THADA: variants seen among roughly 807,000 people sequenced by gnomAD.
THADA encodes tRNA (32-2'-O)-methyltransferase regulator THADA.
Under a neutral mutation model 219.8 loss-of-function variants are expected in THADA, and 213 were observed. The observed-to-expected ratio is 0.97, with a 90% CI of 0.87 to 1.09. THADA has a LOEUF of 1.09. Ranked by LOEUF, THADA falls within the 50% of genes least tolerant of loss-of-function variation. THADA has a pLI of 0.00. For synonymous variants in THADA, 1,018 were observed against 828.9 expected (o/e 1.23, Z -3.92); for missense variants, 2,956 against 2,311.3 (o/e 1.28, Z -5.72).
At chr2:43,407,315 AACC>A (rs1178899141) in intron 28 of THADA, among the ~76,000 whole-genome samples, 2 of 152,226 alleles carry the variant, frequency 1.3e-5, no homozygotes, top group East Asian at 3.8e-4. Flanking sequence ...TATTATATAT[AACC>A]CTACTATATA....
chr2:43,289,427 A>T (rs1375562338), intron 34 of THADA, among the ~76,000 whole-genome samples: 1 of 152,168 alleles, frequency 6.6e-6, no homozygotes, highest in Non-Finnish European at 1.5e-5. Flanking sequence ...CTAATTCCCA[A>T]CGCACCAAGA....
intron 28 of THADA, among the ~76,000 whole-genome samples, chr2:43,421,557 G>A (rs1573562485): frequency 6.6e-6 from 1 of 152,106 alleles, no homozygotes; most frequent in Non-Finnish European, 1.5e-5. Context: ...TGGGAAATTG[G>A]GACAATAAAG....
At chr2:43,315,618 C>G (rs1677991103) in intron 31 of THADA, among the ~76,000 whole-genome samples, 2 of 152,184 alleles carry the variant, frequency 1.3e-5, no homozygotes, top group South Asian at 4.1e-4. Flanking sequence ...GCACATAACA[C>G]CATGTCCAGC....
rs542231501 is a variant in THADA, at chr2:43,401,693, A to G, written c.4059-3554T>C. Among the ~76,000 whole-genome samples the G allele has an allele frequency of 1.0e-3, 156 of 152,292 alleles. 1 individual carries two copies. The highest frequency in any genetic ancestry group is 3.7e-3 in the African/African-American group (153 of 41,560). On this transcript the variant is annotated intron_variant, in intron 28 of 37. Coordinates refer to ENST00000405975, the MANE Select transcript of THADA (RefSeq NM_022065.5). ...TTTACTATGCAACATTCCTGTAGAC[A>G]AAAGGGCATTATAAACCTAAATTAA...
intron 28 of THADA, among the ~76,000 whole-genome samples, chr2:43,404,012 G>T (rs1377782203): frequency 6.6e-6 from 1 of 152,202 alleles, no homozygotes; most frequent in Non-Finnish European, 1.5e-5. Context: ...GCAGGCTGAA[G>T]CTCTGGATTA....
rs148778472 is a variant in THADA, at chr2:43,271,200, A to C, written c.5296+8565T>G. Among the ~76,000 whole-genome samples the C allele has an allele frequency of 4.0e-3, 602 of 152,338 alleles. 4 individuals carry two copies. The highest frequency in any genetic ancestry group is 0.019 in the South Asian group (92 of 4,828). ...TCCCTATGGATGAAACTCTTGCTCA[A>C]GAAATTCCATCCTGCATGATCCAGT... On this transcript the variant is annotated intron_variant, in intron 36 of 37. Coordinates refer to ENST00000405975, the MANE Select transcript of THADA (RefSeq NM_022065.5).
chr2:43,379,439 A>T (rs1671748752), intron 29 of THADA, among the ~76,000 whole-genome samples: 1 of 152,240 alleles, frequency 6.6e-6, no homozygotes, highest in African/African-American at 2.4e-5. Flanking sequence ...TAATTAATGT[A>T]AATGGATTAA....
chr2:43,390,365 C>T (rs528846878), intron 29 of THADA, among the ~76,000 whole-genome samples: 4 of 152,324 alleles, frequency 2.6e-5, no homozygotes, highest in East Asian at 1.9e-4. Context: ...TAAAGATAGT[C>T]TCAAACATGC....
At chr2:43,248,797 G>A (rs1053136098) in intron 36 of THADA, among the ~76,000 whole-genome samples, 3 of 152,180 alleles carry the variant, frequency 2.0e-5, no homozygotes, top group Middle Eastern at 3.4e-3. Flanking sequence ...GCTTCCACAG[G>A]CTTCCTGTCC....
In THADA at chr2:43,398,115, G is replaced by T. The variant is rs1431247906; in HGVS notation, c.4083C>A (p.His1361Gln). 9.3e-6 allele frequency: 15 copies of T among 1,613,846 alleles called. No homozygotes were observed. The highest frequency in any genetic ancestry group is 2.7e-5 in the African/African-American group (2 of 74,932). ...AGGCACGAGCTGCCATTTCACGGGA[G>T]TGGTAGACAGGTGAGTGACCACACC... Reference protein sequence around the residue: ...IMRCGHSPVYHSREMAARALV... With the variant: ...IMRCGHSPVYQSREMAARALV... The change falls in exon 29 of 38, where the codon CAC becomes CAA. Residue 1361 changes from histidine (H) to glutamine (Q), a missense_variant. Transcript: ENST00000405975.
chr2:43,471,426 G>A (rs1162483731), intron 26 of THADA, among the ~76,000 whole-genome samples: 6 of 152,122 alleles, frequency 3.9e-5, no homozygotes, highest in Non-Finnish European at 8.8e-5. Flanking sequence ...ACTCGGCGGC[G>A]GGGCTGAGGT....
At chr2:43,346,915 T>G (rs1667687959) in intron 29 of THADA, among the ~76,000 whole-genome samples, 1 of 152,212 alleles carries the variant, frequency 6.6e-6, no homozygotes, top group East Asian at 1.9e-4. Context: ...CAACAAGCAT[T>G]TGCCAAATAA....
At chr2:43,509,767 C>T (rs1297917357) in intron 22 of THADA, among the ~76,000 whole-genome samples, 1 of 152,068 alleles carries the variant, frequency 6.6e-6, no homozygotes, top group East Asian at 1.9e-4. Context: ...AATAAGACTA[C>T]TTTAAAGGAG....
chr2:43,559,536 A>G (rs1430552656), intron 16 of THADA, among the ~76,000 whole-genome samples: 4 of 152,072 alleles, frequency 2.6e-5, no homozygotes, highest in Non-Finnish European at 5.9e-5. Context: ...CAGAACCAGT[A>G]CTCTGCTGGT....
At chr2:43,423,634 G>A (rs531988694) in intron 28 of THADA, among the ~76,000 whole-genome samples, 11 of 152,058 alleles carry the variant, frequency 7.2e-5, no homozygotes, top group East Asian at 5.8e-4. Context: ...AGGTTTCACC[G>A]TGTTAGCCAG....
At chr2:43,585,190 A>G (rs1448015348) in intron 7 of THADA, among the ~76,000 whole-genome samples, 1 of 151,986 alleles carries the variant, frequency 6.6e-6, no homozygotes, top group Non-Finnish European at 1.5e-5. Flanking sequence ...AGACATTCAA[A>G]TCAATCCTTG....
chr2:43,586,718 A>C lies in THADA; in HGVS notation c.468T>G (p.Asn156Lys), dbSNP rs1701066554. 7 of 1,612,416 alleles carry C rather than the reference A, an allele frequency of 4.3e-6. No individual in the cohort carries two copies. Among genetic ancestry groups the C allele is most frequent in the Non-Finnish European group, 5.1e-6 (6 of 1,179,568 alleles). Residue 156 changes from asparagine to lysine, a missense_variant, in exon 6 of 38, where the codon AAT becomes AAG. Coordinates refer to ENST00000405975, the MANE Select transcript of THADA (RefSeq NM_022065.5). ...AGGACTTACCATTTTTAAGCAGATTATTAACACTTGCTCTACCTGTAGAGG... is the reference window on the plus strand; with the variant it reads ...AGGACTTACCATTTTTAAGCAGATTCTTAACACTTGCTCTACCTGTAGAGG... ...ENFNLGRASV[N>K]NLLKNVLHFL...
At chr2:43,512,408 T>A (rs1174787707) in intron 22 of THADA, among the ~76,000 whole-genome samples, 1 of 152,232 alleles carries the variant, frequency 6.6e-6, no homozygotes, top group Non-Finnish European at 1.5e-5. Flanking sequence ...GGGAATTTGG[T>A]CCAATAATGG....
Position 43,508,732 on chromosome 2 carries a change from A to T in THADA, c.3423T>A (p.Ser1141Arg), listed in dbSNP as rs751178725. The T allele has an allele frequency of 2.5e-6, 4 of 1,613,216 alleles. No homozygotes were observed. The highest frequency in any genetic ancestry group is 3.4e-6 in the Non-Finnish European group (4 of 1,179,650). Residue 1141 changes from serine (S) to arginine (R), a missense_variant, in exon 23 of 38, where the codon AGT (serine) becomes AGA (arginine). By Grantham distance (110) the Ser-to-Arg change is moderately radical. Coordinates refer to ENST00000405975, the MANE Select transcript of THADA (RefSeq NM_022065.5). ...CACTGCATTTAATTTCCTCTAAAAC[A>T]CTCCATAGCCACTGTTCTGGCAGCT... ...LQKLPEQWLW[S>R]VLEEIKCSDP... is the part of the protein sequence containing the mutation.
Sources: allele counts gnomAD v4.1 joint callset (sites outside exome capture counted in the v4.1 genomes callset), GRCh38; gene constraint gnomAD v4.1.1; transcripts MANE v1.5; gene names NCBI Gene and HGNC (gene_info 2026-07-23, HGNC 2026-07-21).